Variants in SOX5 observed in about 807,000 individuals in gnomAD.
SOX5 encodes SRY-box transcription factor 5, also known as transcription factor SOX-5.
A neutral mutation model predicts 92.0 loss-of-function variants in SOX5; 9 were observed. The observed-to-expected ratio is 0.10, with a 90% CI of 0.06 to 0.17. The LOEUF is 0.17. Among genes scored for constraint, SOX5 ranks in the 10% least tolerant of loss-of-function variants. The pLI is 1.00. For missense variants in SOX5, 642 were observed against 944.5 expected (o/e 0.68, Z 4.20); for synonymous variants, 344 against 336.3 (o/e 1.02, Z -0.25).
rs1954536278 is a variant in SOX5 at position 24,023,419 on chromosome 12, C to T, written c.-1-127395G>A. 5.9e-5 allele frequency among the ~76,000 whole-genome samples: 9 copies of T among 152,086 alleles called. No individual in the cohort carries two copies. In the South Asian group the frequency reaches 1.9e-3, roughly 31 times the overall value. On this transcript the variant is annotated intron_variant, in intron 4 of 4. Coordinates refer to the SOX5 transcript ENST00000446891. ...TGAAACCCAGAGAAGCTGTCCAAAT[C>T]CCAGTAATAAAATGTATAATTATCT...
At chr12:23,827,790 C>CT (rs375830433) in intron 3 of SOX5, among the ~76,000 whole-genome samples, 25 of 151,982 alleles carry the variant, frequency 1.6e-4, no homozygotes, top group Middle Eastern at 3.4e-3. Flanking sequence ...AAAGCAATAG[C>CT]TTTTTTTTGT....
intron 9 of SOX5, 79 bp downstream of exon 9, chr12:23,604,308 A>G: frequency 2.7e-6 from 4 of 1,495,022 alleles, no homozygotes; most frequent in Admixed American, 3.4e-5. Flanking sequence ...AGCTGCTGGC[A>G]TACAATAGAC....
intron 1 of SOX5, among the ~76,000 whole-genome samples, chr12:23,923,325 GAA>G (rs1939010090): frequency 6.6e-6 from 1 of 150,902 alleles, no homozygotes; most frequent in Non-Finnish European, 1.5e-5. Flanking sequence ...ATGAATGAAT[GAA>G]TGAATACGTA....
chr12:24,046,999 A>G lies in SOX5; in HGVS notation c.-1-150975T>C, dbSNP rs541858745. On this transcript the variant is annotated intron_variant, in intron 4 of 4. Transcript: ENST00000446891. ...ACCGCTCCCGGCCCTGAATTTTTAA[A>G]TATAAACAAAAATACAACATCTCCA... 1.2e-4 allele frequency among the ~76,000 whole-genome samples: 19 copies of G among 152,202 alleles called. 2 individuals are homozygous for G. The South Asian group carries it at 3.9e-3, about 32-fold the overall frequency.
intron 4 of SOX5, among the ~76,000 whole-genome samples, chr12:24,019,899 A>G (rs867114694): frequency 6.6e-5 from 10 of 152,226 alleles, no homozygotes; most frequent in Admixed American, 4.6e-4. Context: ...GCAATTAATT[A>G]CTTTTACCAA....
chr12:24,311,427 T>C (rs1292871745), intron 2 of SOX5, among the ~76,000 whole-genome samples: 2 of 152,160 alleles, frequency 1.3e-5, no homozygotes. Context: ...AATGGCTGAG[T>C]TAAATATATT....
chr12:24,191,616 C>T (rs568491424), intron 4 of SOX5, among the ~76,000 whole-genome samples: 1 of 152,320 alleles, frequency 6.6e-6, no homozygotes, highest in Admixed American at 6.5e-5. Context: ...CCACATGTTG[C>T]TATAATCTGC....
At chr12:24,476,675 T>C (rs1945416241) in intron 1 of SOX5, among the ~76,000 whole-genome samples, 1 of 152,088 alleles carries the variant, frequency 6.6e-6, no homozygotes. Flanking sequence ...CACACTGCAC[T>C]GCATTTGTCG....
intron 9 of SOX5, among the ~76,000 whole-genome samples, chr12:23,590,627 C>T (rs1423566205): frequency 6.6e-6 from 1 of 151,912 alleles, no homozygotes; most frequent in African/African-American, 2.4e-5. Context: ...TGTTGGCTTA[C>T]TTGTTTGTTT....
intron 4 of SOX5, among the ~76,000 whole-genome samples, chr12:24,173,206 C>G (rs1565585832): frequency 1.3e-5 from 2 of 152,212 alleles, no homozygotes; most frequent in Admixed American, 6.5e-5. Context: ...ATAAATCTTG[C>G]AAACTCTGTC....
intron 1 of SOX5, among the ~76,000 whole-genome samples, chr12:24,485,147 C>T (rs534627721): frequency 6.6e-6 from 1 of 152,204 alleles, no homozygotes; most frequent in Admixed American, 6.5e-5. Flanking sequence ...AGTTATTCAA[C>T]AGAACACTAA....
chr12:24,267,071 T>A (rs549403598), intron 3 of SOX5, among the ~76,000 whole-genome samples: 1 of 152,306 alleles, frequency 6.6e-6, no homozygotes, highest in East Asian at 1.9e-4. Flanking sequence ...CTTGAAACCA[T>A]GTCTGTCACA....
intron 9 of SOX5, among the ~76,000 whole-genome samples, chr12:23,589,275 T>A (rs1287673727): frequency 6.6e-6 from 1 of 151,932 alleles, no homozygotes; most frequent in African/African-American, 2.4e-5. Flanking sequence ...TTATTTGAAC[T>A]ATCAATTAAA....
chr12:23,902,817 C>T (rs1401828948), intron 1 of SOX5, among the ~76,000 whole-genome samples: 1 of 151,978 alleles, frequency 6.6e-6, no homozygotes, highest in Non-Finnish European at 1.5e-5. Flanking sequence ...CATTTGTTTT[C>T]CCAAATATTC....
chr12:24,334,963 T>G (rs1279743835), intron 2 of SOX5, among the ~76,000 whole-genome samples: 1 of 151,860 alleles, frequency 6.6e-6, no homozygotes, highest in East Asian at 1.9e-4. Context: ...TAATAATGAA[T>G]TTTCTCTGAT....
chr12:24,235,653 T>A (rs1964325446), intron 3 of SOX5, among the ~76,000 whole-genome samples: 1 of 152,254 alleles, frequency 6.6e-6, no homozygotes, highest in South Asian at 2.1e-4. Flanking sequence ...GTATGCTTTA[T>A]TATATGAACT....
chr12:23,963,652 T>G (rs1947212312), intron 4 of SOX5, among the ~76,000 whole-genome samples: 1 of 151,246 alleles, frequency 6.6e-6, no homozygotes, highest in Admixed American at 6.6e-5. Flanking sequence ...CATGCAGGCA[T>G]GCATGAATGA....
rs111335496 is a variant in SOX5, at chr12:24,437,973, A to T, written c.-250-69334T>A. On this transcript the variant is annotated intron_variant, in intron 1 of 4. Transcript: ENST00000446891. ...TTACAAATCATTCTACTATAAAGAC[A>T]CATGCACACGTATGTTTACTGCAGC... 2.3e-3 allele frequency among the ~76,000 whole-genome samples: 343 copies of T among 152,340 alleles called. 2 individuals carry two copies. Among genetic ancestry groups the T allele is most frequent in the Middle Eastern group, 6.8e-3 (2 of 294 alleles).
At chr12:24,137,365 G>A (rs1015657917) in intron 4 of SOX5, among the ~76,000 whole-genome samples, 1 of 152,150 alleles carries the variant, frequency 6.6e-6, no homozygotes, top group Non-Finnish European at 1.5e-5. Flanking sequence ...AGGCAGGGTG[G>A]CTCAGGCCTG....
Sources: allele counts gnomAD v4.1 joint callset (sites outside exome capture counted in the v4.1 genomes callset), GRCh38; gene constraint gnomAD v4.1.1; transcripts MANE v1.5; gene names NCBI Gene and HGNC (gene_info 2026-07-23, HGNC 2026-07-21).